Variants in UHRF2 observed in about 807,000 individuals in gnomAD.
The protein encoded by UHRF2 is ubiquitin like with PHD and ring finger domains 2, also known as E3 ubiquitin-protein ligase UHRF2.
In UHRF2, 23 loss-of-function variants were observed where a neutral mutation model predicts 96.8. The observed-to-expected ratio is 0.24, with a 90% CI of 0.17 to 0.34. The LOEUF (loss-of-function observed/expected upper bound fraction) is 0.34, where lower values mean the gene tolerates loss of function less well. UHRF2 is among the 10% of genes least tolerant of loss of function. UHRF2 has a pLI of 1.00. For missense variants in UHRF2, 685 were observed against 981.5 expected (o/e 0.70, Z 4.04); for synonymous variants, 385 against 332.6 (o/e 1.16, Z -1.72).
rs1213840679 is a variant in UHRF2 at position 6,506,638 on chromosome 9, A to C, written c.*459A>C. ...AATGAACACAGCTTCTAAAGTGTGC[A>C]TATACTTTTTTAACGTCTCTTCTTC... is the stretch of plus-strand genomic sequence containing the variant. On this transcript the variant is annotated 3_prime_UTR_variant, in exon 16 of 16. Transcript: ENST00000276893. 3 of 153,104 alleles carry C rather than the reference A, an allele frequency of 2.0e-5. No homozygotes were observed. The highest frequency in any genetic ancestry group is 7.2e-5 in the African/African-American group (3 of 41,460). 9.5% of individuals were successfully genotyped at this position (153,104 alleles called of 1,614,324 possible).
chr9:6,448,157 A>T (rs1214476658), intron 3 of UHRF2, among the ~76,000 whole-genome samples: 1 of 152,184 alleles, frequency 6.6e-6, no homozygotes, highest in Non-Finnish European at 1.5e-5. Flanking sequence ...TCTAGAAGAA[A>T]TGTTTCAAAG....
chr9:6,421,574 G>A (rs1199697516), intron 2 of UHRF2, among the ~76,000 whole-genome samples: 2 of 151,966 alleles, frequency 1.3e-5, no homozygotes, highest in African/African-American at 2.4e-5. Context: ...GCACCACCAC[G>A]CCCGGCTAAT....
intron 3 of UHRF2, among the ~76,000 whole-genome samples, chr9:6,436,168 T>C (rs1442249377): frequency 6.6e-6 from 1 of 152,208 alleles, no homozygotes; most frequent in Non-Finnish European, 1.5e-5. Context: ...TTATTATTTT[T>C]CATACCACAA....
chr9:6,463,578 C>G (rs926113818), intron 4 of UHRF2, among the ~76,000 whole-genome samples: 28 of 151,580 alleles, frequency 1.8e-4, no homozygotes, highest in Non-Finnish European at 3.7e-4. Flanking sequence ...TCAAGCAGTT[C>G]TCCTGCCGCA....
chr9:6,500,169 T>C (rs1354907458), intron 13 of UHRF2, among the ~76,000 whole-genome samples: 13 of 152,120 alleles, frequency 8.5e-5, no homozygotes, highest in Admixed American at 6.5e-4. Context: ...GGTTTCTCCA[T>C]GTTGCCCAAG....
chr9:6,420,518 C>A (rs369704050), intron 1 of UHRF2, among the ~76,000 whole-genome samples: 1 of 151,140 alleles, frequency 6.6e-6, no homozygotes, highest in African/African-American at 2.4e-5. Flanking sequence ...CTGGCAAACA[C>A]GGTGAAACCC....
At chr9:6,461,542 T>G (rs1471798091) in intron 4 of UHRF2, among the ~76,000 whole-genome samples, 1 of 151,302 alleles carries the variant, frequency 6.6e-6, no homozygotes, top group Non-Finnish European at 1.5e-5. Context: ...CCACCTAACT[T>G]TTATATTTTT....
At chr9:6,446,712 G>A (rs1453394292) in intron 3 of UHRF2, among the ~76,000 whole-genome samples, 1 of 151,780 alleles carries the variant, frequency 6.6e-6, no homozygotes, top group Non-Finnish European at 1.5e-5. Context: ...TGGTGTGGTG[G>A]TGCACACCTG....
intron 1 of UHRF2, 31 bp from the exon 2 acceptor site, chr9:6,420,881 A>T (rs1356764363): frequency 6.5e-7 from 1 of 1,542,610 alleles, no homozygotes; most frequent in Admixed American, 1.7e-5. Context: ...ATTTTAGAGA[A>T]GCATTTCACT....
intron 1 of UHRF2, 116 bp downstream of exon 1, chr9:6,413,759 C>G (rs1290496504): frequency 4.0e-6 from 5 of 1,253,776 alleles, no homozygotes; most frequent in Admixed American, 4.3e-5. Flanking sequence ...CCTGGCTCCG[C>G]TGCGGGTGGG....
intron 4 of UHRF2, among the ~76,000 whole-genome samples, chr9:6,461,510 C>G (rs1276664915): frequency 6.6e-6 from 1 of 151,314 alleles, no homozygotes; most frequent in Admixed American, 6.6e-5. Context: ...GTAGCTGGGA[C>G]TACAGGCGTA....
intron 3 of UHRF2, among the ~76,000 whole-genome samples, chr9:6,450,006 T>G (rs1821756256): frequency 6.6e-6 from 1 of 152,218 alleles, no homozygotes; most frequent in Non-Finnish European, 1.5e-5. Flanking sequence ...TTGTTTGTTT[T>G]TTGACTGTAT....
rs529383501 is a variant in UHRF2, at chr9:6,500,655, T to C, written c.2109T>C (p.Asp703=). The change falls in exon 14 of 16, where the codon GAT becomes GAC. Residue 703 remains aspartate, a synonymous_variant. Transcript: ENST00000276893. ...TPQQQHLIRE[D]CQNQKLWDEV... ...AACAGCAACATCTCATCAGAGAAGA[T>C]TGTCAAAACCAGAAGCTGTGGGATG... 3.5e-5 allele frequency: 56 copies of C among 1,613,880 alleles called. No homozygotes were observed. The highest frequency in any genetic ancestry group is 4.2e-5 in the Non-Finnish European group (50 of 1,179,888).
chr9:6,505,028 A>G (rs920685352), intron 15 of UHRF2, among the ~76,000 whole-genome samples: 1 of 152,154 alleles, frequency 6.6e-6, no homozygotes, highest in Non-Finnish European at 1.5e-5. Flanking sequence ...TTAATAAATC[A>G]TATAAAACAG....
chr9:6,421,111 G>C lies in UHRF2; in HGVS notation c.353G>C (p.Arg118Pro). 2 of 1,613,914 alleles carry C rather than the reference G, an allele frequency of 1.2e-6. No homozygotes were observed. The highest frequency in any genetic ancestry group is 1.7e-6 in the Non-Finnish European group (2 of 1,179,926). ...SNQPSTSARA[R>P]LIDPGFGIYK... ...CAGCCATCTACATCAGCTCGTGCCC[G>C]TCTTATTGATCCTGGCTTTGGAATA... Residue 118 changes from arginine (R) to proline (P), a missense_variant, in exon 2 of 16, where the codon CGT becomes CCT. Coordinates refer to ENST00000276893, the MANE Select transcript of UHRF2 (RefSeq NM_152896.3).
intron 3 of UHRF2, among the ~76,000 whole-genome samples, chr9:6,454,276 G>C (rs1822054375): frequency 6.6e-6 from 1 of 152,208 alleles, no homozygotes; most frequent in Non-Finnish European, 1.5e-5. Flanking sequence ...CATCTTTTGA[G>C]TGAAGACACC....
intron 2 of UHRF2, among the ~76,000 whole-genome samples, chr9:6,426,198 T>G (rs1216203798): frequency 2.0e-5 from 3 of 152,250 alleles, no homozygotes; most frequent in African/African-American, 7.2e-5. Flanking sequence ...CAGGAGGTCT[T>G]TGCTTTTTAT....
At chr9:6,452,430 C>T (rs192237776) in intron 3 of UHRF2, among the ~76,000 whole-genome samples, 1 of 152,244 alleles carries the variant, frequency 6.6e-6, no homozygotes, top group Admixed American at 6.5e-5. Flanking sequence ...TACTTGTTTT[C>T]CCATAGCCTG....
At chr9:6,487,859 C>T (rs1220048046) in intron 9 of UHRF2, among the ~76,000 whole-genome samples, 2 of 152,182 alleles carry the variant, frequency 1.3e-5, no homozygotes, top group East Asian at 1.9e-4. Context: ...AAAATAAAAA[C>T]TGGTTCCAGT....
Sources: gnomAD v4.1 joint callset for allele counts (sites outside exome capture counted in the v4.1 genomes callset) on GRCh38, gnomAD v4.1.1 for gene constraint, MANE v1.5 for transcripts, NCBI Gene and HGNC (gene_info 2026-07-23, HGNC 2026-07-21) for gene names.